EVI5: variants seen among roughly 807,000 people sequenced by gnomAD.
EVI5 encodes ecotropic viral integration site 5 protein homolog.
Under a neutral mutation model 112.0 loss-of-function variants are expected in EVI5, and 73 were observed. That is an observed-to-expected ratio of 0.65 (90% CI 0.54 to 0.79). The LOEUF (loss-of-function observed/expected upper bound fraction) is 0.79, where lower values mean the gene tolerates loss of function less well. EVI5 is among the 30% of genes least tolerant of loss of function. The pLI is 0.00. For missense variants in EVI5, 900 were observed against 968.8 expected, an observed-to-expected ratio of 0.93 and a Z score of 0.94; for synonymous variants, 305 against 319.9, an observed-to-expected ratio of 0.95 and a Z score of 0.50.
chr1:92,776,093 G>C (rs558860989), intron 1 of EVI5, among the ~76,000 whole-genome samples: 20 of 143,958 alleles, frequency 1.4e-4, no homozygotes, highest in African/African-American at 5.0e-4. Flanking sequence ...GGGCGACAGA[G>C]CAAGACTCCA....
At chr1:92,630,535 T>C (rs1455871565) in intron 14 of EVI5, among the ~76,000 whole-genome samples, 1 of 152,176 alleles carries the variant, frequency 6.6e-6, no homozygotes, top group Non-Finnish European at 1.5e-5. Flanking sequence ...TTCTTGTAAA[T>C]TTGTTTGAGT....
At chr1:92,675,206 T>A (rs972418087) in intron 10 of EVI5, among the ~76,000 whole-genome samples, 2 of 152,090 alleles carry the variant, frequency 1.3e-5, no homozygotes, top group Non-Finnish European at 1.5e-5. Flanking sequence ...TAGCCAGGCA[T>A]GGTGGTGTGC....
chr1:92,618,210 G>A (rs538950965), intron 16 of EVI5, among the ~76,000 whole-genome samples: 2 of 152,258 alleles, frequency 1.3e-5, no homozygotes, highest in East Asian at 3.9e-4. Context: ...GGGTGGAAGT[G>A]CAAGTGGCAC....
At chr1:92,562,300 C>T (rs1289637336) in intron 19 of EVI5, among the ~76,000 whole-genome samples, 6 of 152,046 alleles carry the variant, frequency 3.9e-5, no homozygotes, top group South Asian at 2.1e-4. Context: ...GAGGCTGAGA[C>T]GGGCGGATCA....
chr1:92,653,167 C>T (rs894943779), intron 13 of EVI5, among the ~76,000 whole-genome samples: 3 of 152,212 alleles, frequency 2.0e-5, no homozygotes, highest in Non-Finnish European at 2.9e-5. Flanking sequence ...GGTCTGTACC[C>T]TGCCCAGGGA....
At chr1:92,760,891 C>T (rs942633386) in intron 1 of EVI5, among the ~76,000 whole-genome samples, 1 of 151,758 alleles carries the variant, frequency 6.6e-6, no homozygotes, top group Non-Finnish European at 1.5e-5. Context: ...CCCATCTCTA[C>T]TAAAAAAATA....
intron 19 of EVI5, among the ~76,000 whole-genome samples, chr1:92,517,885 C>CTTT (rs35504849): frequency 1.6e-3 from 162 of 102,156 alleles, no homozygotes; most frequent in Non-Finnish European, 2.0e-3. Context: ...ATATTATATG[C>CTTT]TTTTTTTTTT....
At chr1:92,732,022 C>G (rs1027375715) in intron 2 of EVI5, 1 of 152,402 alleles carries the variant, frequency 6.6e-6, no homozygotes, top group Non-Finnish European at 1.5e-5. Flanking sequence ...TTTAGTGGCA[C>G]GAGAGAGATG....
intron 2 of EVI5, among the ~76,000 whole-genome samples, chr1:92,728,934 C>T (rs746265589): frequency 8.5e-5 from 13 of 152,054 alleles, no homozygotes; most frequent in Non-Finnish European, 1.5e-4. Flanking sequence ...TATACTATTG[C>T]GATATCACAG....
intron 1 of EVI5, among the ~76,000 whole-genome samples, chr1:92,758,203 C>T (rs1681245154): frequency 6.6e-6 from 1 of 152,100 alleles, no homozygotes; most frequent in African/African-American, 2.4e-5. Context: ...AGAAAGAAAA[C>T]TTTGCTACTT....
chr1:92,780,994 G>A (rs1173442193), intron 1 of EVI5, among the ~76,000 whole-genome samples: 2 of 151,814 alleles, frequency 1.3e-5, no homozygotes. Context: ...TGGGATTACA[G>A]GCACCCGCCA....
chr1:92,603,634 T>G (rs1476723690), intron 18 of EVI5, among the ~76,000 whole-genome samples: 2 of 151,940 alleles, frequency 1.3e-5, no homozygotes, highest in Non-Finnish European at 2.9e-5. Context: ...TTTTGACTCT[T>G]TTATAACATT....
chr1:92,687,992 A>G (rs1389407559), intron 9 of EVI5, among the ~76,000 whole-genome samples: 1 of 152,226 alleles, frequency 6.6e-6, no homozygotes, highest in Non-Finnish European at 1.5e-5. Context: ...TCAAGGATCT[A>G]GAACTAGAAA....
At chr1:92,536,713 C>T (rs1663966551) in intron 19 of EVI5, among the ~76,000 whole-genome samples, 1 of 152,064 alleles carries the variant, frequency 6.6e-6, no homozygotes, top group African/African-American at 2.4e-5. Flanking sequence ...AATGTAGGTT[C>T]TTTATAAGTG....
In EVI5 at chr1:92,508,927, A is replaced by G. The variant is rs1221532684; in HGVS notation, c.*4729T>C. The stretch of plus-strand genomic sequence containing the variant: ...AAAACTTGGATCATAAATAGCATCC[A>G]CTATACCTTTAACCAGAAATTAAAC... On this transcript the variant is annotated 3_prime_UTR_variant, in exon 20 of 20. Coordinates refer to ENST00000684568, the MANE Select transcript of EVI5 (RefSeq NM_001350197.2). The G allele has an allele frequency of 6.6e-6, 1 of 152,218 alleles. No homozygotes were observed. Among genetic ancestry groups the G allele is most frequent in the African/African-American group, 2.4e-5 (1 of 41,460 alleles). The allele number at this position is 152,218 out of a possible 1,614,324, so 9.4% of individuals were successfully genotyped here.
chr1:92,581,784 A>C (rs557956060), intron 18 of EVI5, among the ~76,000 whole-genome samples: 1 of 22,568 alleles, frequency 4.4e-5, no homozygotes, highest in South Asian at 3.3e-3. Context: ...CATTTATTTA[A>C]ATAAAGTATG....
chr1:92,530,244 C>G (rs1662628929), intron 19 of EVI5, among the ~76,000 whole-genome samples: 2 of 152,158 alleles, frequency 1.3e-5, no homozygotes, highest in Non-Finnish European at 2.9e-5. Context: ...CAGATTCCCT[C>G]CTCTCTGGGC....
chr1:92,665,567 C>T (rs1664753147), intron 11 of EVI5, among the ~76,000 whole-genome samples: 1 of 152,214 alleles, frequency 6.6e-6, no homozygotes, highest in African/African-American at 2.4e-5. Context: ...ATCACTGCCA[C>T]ACTTCCAATA....
intron 10 of EVI5, among the ~76,000 whole-genome samples, chr1:92,667,356 T>G (rs1006533113): frequency 6.6e-6 from 1 of 152,134 alleles, no homozygotes; most frequent in African/African-American, 2.4e-5. Context: ...GATGACAAGT[T>G]GCAAAATTCT....
Sources: gnomAD v4.1 joint callset for allele counts (sites outside exome capture counted in the v4.1 genomes callset) on GRCh38, gnomAD v4.1.1 for gene constraint, MANE v1.5 for transcripts, NCBI Gene and HGNC (gene_info 2026-07-23, HGNC 2026-07-21) for gene names.